The following DLG2 variants were observed in gnomAD, a reference collection of about 807,000 sequenced individuals.
The protein encoded by DLG2 is discs large MAGUK scaffold protein 2, also known as disks large homolog 2.
DLG2 carries 45 observed loss-of-function variants against 132.5 expected under a neutral mutation model. The ratio of observed to expected loss-of-function variants is 0.34; its 90% CI spans 0.27 to 0.44. DLG2 has a LOEUF of 0.44. Ranked by LOEUF, DLG2 falls within the 20% of genes least tolerant of loss-of-function variation. The pLI is 1.00. For synonymous variants in DLG2, 424 were observed against 419.6 expected, an observed-to-expected ratio of 1.01 and a Z score of -0.13; for missense variants, 1,045 against 1,196.9, an observed-to-expected ratio of 0.87 and a Z score of 1.87.
chr11:84,816,431 T>A (rs2077092011), intron 6 of DLG2, among the ~76,000 whole-genome samples: 1 of 151,832 alleles, frequency 6.6e-6, no homozygotes, highest in African/African-American at 2.4e-5. Context: ...TTAAGGCCGT[T>A]TGAAATCTAA....
At chr11:84,534,820 A>G in intron 6 of DLG2, 89 bp from the exon 7 acceptor site, 1 of 1,449,434 alleles carries the variant, frequency 6.9e-7, no homozygotes, top group African/African-American at 1.4e-5. Context: ...CTTCATCAAT[A>G]GGACACAGTG....
At chr11:84,567,012 A>G (rs1004994598) in intron 6 of DLG2, among the ~76,000 whole-genome samples, 3 of 152,188 alleles carry the variant, frequency 2.0e-5, no homozygotes, top group African/African-American at 4.8e-5. Context: ...TGAAAAACAT[A>G]GAAAATACTT....
Position 84,878,112 on chromosome 11 carries a change from C to T in DLG2, c.357+233549G>A, listed in dbSNP as rs537001369. ...AATAGGAATGTTTTTACACTGTTTG[C>T]GGGAGTGCAAATTAGTTCAGCCATT... On this transcript the variant is annotated intron_variant, in intron 6 of 27. Transcript: ENST00000376104. Among the ~76,000 whole-genome samples, 92 of 152,178 alleles carry T rather than the reference C, an allele frequency of 6.0e-4. No homozygotes were observed. The South Asian group carries it at 0.015, about 24-fold the overall frequency.
chr11:84,543,136 T>C (rs2099381804), intron 6 of DLG2, among the ~76,000 whole-genome samples: 1 of 152,220 alleles, frequency 6.6e-6, no homozygotes, highest in Non-Finnish European at 1.5e-5. Flanking sequence ...AATATTTATA[T>C]TCATTTCTTT....
intron 18 of DLG2, among the ~76,000 whole-genome samples, chr11:83,717,108 T>C (rs1444385469): frequency 6.6e-6 from 1 of 152,174 alleles, no homozygotes; most frequent in Admixed American, 6.5e-5. Flanking sequence ...TTCAGTAAAT[T>C]GGAGCTCCTG....
intron 6 of DLG2, among the ~76,000 whole-genome samples, chr11:84,934,018 T>C (rs2048389582): frequency 6.6e-6 from 1 of 152,186 alleles, no homozygotes; most frequent in Non-Finnish European, 1.5e-5. Context: ...CTGGCTCTTA[T>C]TATTTTGAGG....
chr11:84,722,503 C>G (rs1306067973), intron 6 of DLG2, among the ~76,000 whole-genome samples: 1 of 152,092 alleles, frequency 6.6e-6, no homozygotes, highest in Non-Finnish European at 1.5e-5. Context: ...TACTCTCGTC[C>G]CTTCTCCCAA....
At chr11:85,622,990 G>A (rs1016479643) in intron 2 of DLG2, among the ~76,000 whole-genome samples, 6 of 150,644 alleles carry the variant, frequency 4.0e-5, no homozygotes, top group Non-Finnish European at 7.4e-5. Flanking sequence ...CCCCGGAGGC[G>A]GAGGTTCCAG....
intron 6 of DLG2, among the ~76,000 whole-genome samples, chr11:84,622,850 G>A (rs73511164): frequency 0.11 from 16,278 of 152,070 alleles, 938 homozygotes; most frequent in African/African-American, 0.14. Context: ...CTGTTTTGCC[G>A]GAGATGGAGG....
chr11:84,123,707 A>C (rs2094030346), intron 9 of DLG2, among the ~76,000 whole-genome samples: 1 of 152,168 alleles, frequency 6.6e-6, no homozygotes, highest in Non-Finnish European at 1.5e-5. Context: ...CAATCCCTTA[A>C]CCATTTCTTT....
At chr11:84,963,393 C>T (rs1202057009) in intron 6 of DLG2, among the ~76,000 whole-genome samples, 1 of 152,182 alleles carries the variant, frequency 6.6e-6, no homozygotes, top group Non-Finnish European at 1.5e-5. Context: ...GAGAGAGCTG[C>T]AAGGGAACAA....
intron 7 of DLG2, among the ~76,000 whole-genome samples, chr11:84,393,280 TC>T (rs1237191207): frequency 6.6e-6 from 1 of 152,096 alleles, no homozygotes; most frequent in Non-Finnish European, 1.5e-5. Flanking sequence ...TATAAACTTA[TC>T]TTTTGGAAAC....
chr11:85,502,415 G>C (rs910877454), intron 3 of DLG2, among the ~76,000 whole-genome samples: 3 of 150,364 alleles, frequency 2.0e-5, no homozygotes, highest in African/African-American at 7.3e-5. Flanking sequence ...AGAACTTAAA[G>C]TATAATAAAA....
intron 21 of DLG2, among the ~76,000 whole-genome samples, chr11:83,493,315 C>T (rs143242423): frequency 7.9e-5 from 12 of 151,248 alleles, no homozygotes; most frequent in African/African-American, 2.4e-4. Context: ...TTACTATTTG[C>T]CTTCCTTTGT....
intron 6 of DLG2, among the ~76,000 whole-genome samples, chr11:84,920,006 A>G (rs989340933): frequency 2.0e-5 from 3 of 152,218 alleles, no homozygotes; most frequent in African/African-American, 7.2e-5. Context: ...AACCTTTATC[A>G]AACTCTATTT....
chr11:83,996,934 ATAACT>A (rs1445584608), intron 11 of DLG2, among the ~76,000 whole-genome samples: 56 of 152,254 alleles, frequency 3.7e-4, no homozygotes, highest in Admixed American at 3.4e-3. Flanking sequence ...AAAGTCAATA[ATAACT>A]TAATATTTAA....
intron 4 of DLG2, among the ~76,000 whole-genome samples, chr11:85,250,690 C>T (rs559469834): frequency 4.7e-4 from 72 of 152,022 alleles, no homozygotes; most frequent in African/African-American, 1.5e-3. Flanking sequence ...AAAAAAGAAA[C>T]ATAAACTGCT....
chr11:84,685,710 T>C (rs1358607743), intron 6 of DLG2, among the ~76,000 whole-genome samples: 1 of 151,306 alleles, frequency 6.6e-6, no homozygotes, highest in African/African-American at 2.4e-5. Context: ...ATTTTCTGTA[T>C]CCTTTTTTTT....
At chr11:83,968,482 T>A (rs2090687732) in intron 12 of DLG2, among the ~76,000 whole-genome samples, 1 of 152,236 alleles carries the variant, frequency 6.6e-6, no homozygotes. Flanking sequence ...ATACCTGTTA[T>A]GTGTCAGACT....
Sources: gnomAD v4.1 joint callset for allele counts (sites outside exome capture counted in the v4.1 genomes callset) on GRCh38, gnomAD v4.1.1 for gene constraint, MANE v1.5 for transcripts, NCBI Gene and HGNC (gene_info 2026-07-23, HGNC 2026-07-21) for gene names.